Variants in HECW2 observed in about 807,000 individuals in gnomAD.
The protein encoded by HECW2 is E3 ubiquitin-protein ligase HECW2.
A neutral mutation model predicts 175.2 loss-of-function variants in HECW2; 61 were observed. That is an observed-to-expected ratio of 0.35 (90% CI 0.28 to 0.43). The LOEUF (loss-of-function observed/expected upper bound fraction) is 0.43, where lower values mean the gene tolerates loss of function less well. Among genes scored for constraint, HECW2 ranks in the 20% least tolerant of loss-of-function variants. The pLI is 1.00. For missense variants in HECW2, 1,524 were observed against 2,000.5 expected (o/e 0.76, Z 4.54); for synonymous variants, 671 against 731.0 (o/e 0.92, Z 1.32).
chr2:196,366,586 ACCCAGCTAT>A (rs905192029), intron 2 of HECW2, among the ~76,000 whole-genome samples: 2 of 152,202 alleles, frequency 1.3e-5, no homozygotes, highest in African/African-American at 4.8e-5. Flanking sequence ...AGAATTAAAG[ACCCAGCTAT>A]AGTGGTATCT....
intron 1 of HECW2, among the ~76,000 whole-genome samples, chr2:196,476,525 T>C (rs1209039215): frequency 6.6e-6 from 1 of 151,910 alleles, no homozygotes; most frequent in Admixed American, 6.6e-5. Context: ...GGCAAAGTGC[T>C]TAAAACAGTG....
intron 10 of HECW2, among the ~76,000 whole-genome samples, chr2:196,311,428 A>G (rs1202752377): frequency 6.6e-6 from 1 of 152,226 alleles, no homozygotes; most frequent in Non-Finnish European, 1.5e-5. Context: ...TTAAAACAGT[A>G]GCTAGTTTGC....
At chr2:196,333,181 A>G (rs1692430747) in intron 4 of HECW2, among the ~76,000 whole-genome samples, 1 of 152,036 alleles carries the variant, frequency 6.6e-6, no homozygotes, top group Non-Finnish European at 1.5e-5. Context: ...TCCCTCTCAT[A>G]CAATTATCAC....
At chr2:196,554,143 G>A (rs960479283) in intron 1 of HECW2, among the ~76,000 whole-genome samples, 7 of 152,012 alleles carry the variant, frequency 4.6e-5, no homozygotes, top group African/African-American at 1.2e-4. Context: ...TCGAGACCAC[G>A]GTGAAACCCC....
intron 19 of HECW2, among the ~76,000 whole-genome samples, chr2:196,243,142 GAATA>G: frequency 6.6e-6 from 1 of 150,496 alleles, no homozygotes; most frequent in South Asian, 2.1e-4. Context: ...CTTGCACAAA[GAATA>G]AATAATATTA....
intron 1 of HECW2, among the ~76,000 whole-genome samples, chr2:196,478,306 T>C (rs535961747): frequency 1.3e-5 from 2 of 152,136 alleles, no homozygotes; most frequent in Non-Finnish European, 2.9e-5. Flanking sequence ...AGGAAAAACA[T>C]CCCACTGAAG....
rs546496816 is a variant in HECW2 at position 196,503,653 on chromosome 2, C to T, written c.-35-70195G>A. Among the ~76,000 whole-genome samples, 6 of 151,982 alleles carry T rather than the reference C, an allele frequency of 3.9e-5. No individual in the cohort carries two copies. The South Asian group carries it at 1.2e-3, about 32-fold the overall frequency. ...GCTGTGGCAGGGAGTGGTGTCTCCC[C>T]GTAACAGCAGAGTACACAGCCCAGC... On this transcript the variant is annotated intron_variant, in intron 1 of 28. Transcript: ENST00000644978.
chr2:196,203,554 C>T (rs10187737), intron 28 of HECW2, among the ~76,000 whole-genome samples: 7,303 of 152,190 alleles, frequency 0.048, 408 homozygotes, highest in African/African-American at 0.13. Flanking sequence ...TAACAGATGA[C>T]ACCACAATAC....
chr2:196,343,721 A>T lies in HECW2; in HGVS notation c.336T>A (p.Gly112=), dbSNP rs777175944. The T allele has an allele frequency of 6.2e-7, 1 of 1,613,874 alleles. No homozygotes were observed. Residue 112 remains glycine, a synonymous_variant, in exon 3 of 29, where the codon GGT becomes GGA. Coordinates refer to ENST00000644978, the MANE Select transcript of HECW2 (RefSeq NM_001348768.2). ...TTTGCCCTTTTTGTGTTCCAGTCAC[A>T]CCCCTGTTCTTAGAATCCCAGAAGT... ...PANFWDSKNR[G]VTGTQKGQIV...
At chr2:196,248,408 A>C (rs545924464) in intron 19 of HECW2, among the ~76,000 whole-genome samples, 1 of 152,190 alleles carries the variant, frequency 6.6e-6, no homozygotes, top group East Asian at 1.9e-4. Flanking sequence ...TGGGATCACA[A>C]CTTCCCCATC....
intron 1 of HECW2, among the ~76,000 whole-genome samples, chr2:196,577,985 TA>T (rs1324425548): frequency 1.3e-5 from 2 of 152,052 alleles, no homozygotes; most frequent in Non-Finnish European, 2.9e-5. Context: ...AAATAAACAG[TA>T]AAGCATGGCC....
chr2:196,367,437 A>C (rs1471762151), intron 2 of HECW2, among the ~76,000 whole-genome samples: 1 of 152,232 alleles, frequency 6.6e-6, no homozygotes, highest in Non-Finnish European at 1.5e-5. Context: ...TAATCACATC[A>C]GGGTAAATGA....
chr2:196,210,350 A>T (rs1687233087), intron 28 of HECW2, among the ~76,000 whole-genome samples: 1 of 151,950 alleles, frequency 6.6e-6, no homozygotes, highest in Non-Finnish European at 1.5e-5. Context: ...ATGTTAACAG[A>T]GCTTATCTTA....
intron 15 of HECW2, among the ~76,000 whole-genome samples, chr2:196,276,369 C>T (rs932368158): frequency 3.3e-5 from 5 of 152,200 alleles, no homozygotes; most frequent in African/African-American, 1.2e-4. Flanking sequence ...GTCCCTCTCT[C>T]ATAAAGGCTA....
At chr2:196,573,079 G>A (rs368296640) in intron 1 of HECW2, among the ~76,000 whole-genome samples, 8 of 152,200 alleles carry the variant, frequency 5.3e-5, no homozygotes, top group African/African-American at 1.9e-4. Flanking sequence ...GATGAGAAAT[G>A]CGATAATACA....
intron 1 of HECW2, among the ~76,000 whole-genome samples, chr2:196,453,328 C>T (rs949972761): frequency 6.6e-6 from 1 of 152,152 alleles, no homozygotes; most frequent in Admixed American, 6.5e-5. Context: ...TTTGAAAGAA[C>T]GCAGCCAACT....
chr2:196,270,930 G>A (rs977446797), intron 17 of HECW2, among the ~76,000 whole-genome samples: 4 of 152,068 alleles, frequency 2.6e-5, no homozygotes, highest in Non-Finnish European at 4.4e-5. Flanking sequence ...TCTTGACCTC[G>A]TGATCTGCCT....
chr2:196,534,747 A>G (rs1688959972), intron 1 of HECW2, among the ~76,000 whole-genome samples: 1 of 152,168 alleles, frequency 6.6e-6, no homozygotes, highest in Non-Finnish European at 1.5e-5. Flanking sequence ...AAGCACTTCC[A>G]TTGTCAGTCT....
At chr2:196,274,772 T>C (rs1689879317) in intron 15 of HECW2, among the ~76,000 whole-genome samples, 1 of 152,220 alleles carries the variant, frequency 6.6e-6, no homozygotes, top group Non-Finnish European at 1.5e-5. Flanking sequence ...CAGAATTATT[T>C]ATTGCACCTA....
Sources: gnomAD v4.1 joint callset for allele counts (sites outside exome capture counted in the v4.1 genomes callset) on GRCh38, gnomAD v4.1.1 for gene constraint, MANE v1.5 for transcripts, NCBI Gene and HGNC (gene_info 2026-07-23, HGNC 2026-07-21) for gene names.